LINGO2: variants seen among roughly 807,000 people sequenced by gnomAD.
LINGO2 encodes leucine rich repeat and Ig domain containing 2, also known as leucine-rich repeat and immunoglobulin-like domain-containing nogo receptor-interacting protein 2.
Under a neutral mutation model 30.6 loss-of-function variants are expected in LINGO2, and 14 were observed. The ratio of observed to expected loss-of-function variants is 0.46; its 90% CI spans 0.30 to 0.72. The LOEUF (loss-of-function observed/expected upper bound fraction) is 0.72. LINGO2 is among the 30% of genes least tolerant of loss of function. The pLI, the probability that LINGO2 is intolerant of heterozygous loss-of-function variation, is 0.07. For missense variants in LINGO2, 729 were observed against 751.7 expected (o/e 0.97, Z 0.35); for synonymous variants, 317 against 288.5 (o/e 1.10, Z -1.00).
the LINGO2 span, among the ~76,000 whole-genome samples, chr9:28,678,128 T>G: frequency 6.8e-6 from 1 of 147,434 alleles, no homozygotes; most frequent in Admixed American, 7.1e-5. Context: ...TGACTTCCTG[T>G]TGTGCTTTGA....
chr9:28,044,955 G>A (rs546534260), intron 4 of LINGO2, among the ~76,000 whole-genome samples: 14 of 152,210 alleles, frequency 9.2e-5, no homozygotes, highest in African/African-American at 3.4e-4. Flanking sequence ...TGGTTAGACA[G>A]ACGAGCAGAA....
At chr9:29,035,112 C>T in the LINGO2 span, among the ~76,000 whole-genome samples, 53 of 152,120 alleles carry the variant, frequency 3.5e-4, no homozygotes, top group African/African-American at 1.2e-3. Context: ...CTGGAATATA[C>T]ATAAGACATA....
intron 1 of LINGO2, among the ~76,000 whole-genome samples, chr9:28,497,846 TC>T (rs1260823198): frequency 6.6e-5 from 10 of 152,206 alleles, no homozygotes; most frequent in African/African-American, 2.4e-4. Flanking sequence ...GGTGTGAATG[TC>T]CTTTCTGTTT....
At chr9:28,763,485 GACAA>G in the LINGO2 span, among the ~76,000 whole-genome samples, 6 of 151,938 alleles carry the variant, frequency 3.9e-5, no homozygotes, top group Middle Eastern at 3.4e-3. Context: ...AATATCTCAA[GACAA>G]ACAAACATTC....
chr9:29,016,957 CAG>C, the LINGO2 span, among the ~76,000 whole-genome samples: 5 of 152,252 alleles, frequency 3.3e-5, no homozygotes, highest in Admixed American at 6.6e-5. Flanking sequence ...CAAAACAACT[CAG>C]AGAGATTGAC....
chr9:28,312,060 C>A (rs946981788), intron 3 of LINGO2, among the ~76,000 whole-genome samples: 1 of 152,110 alleles, frequency 6.6e-6, no homozygotes, highest in African/African-American at 2.4e-5. Flanking sequence ...CTTCCCACAA[C>A]AAGTAAGGCT....
At chr9:28,335,508 T>C (rs1825560899) in intron 3 of LINGO2, among the ~76,000 whole-genome samples, 1 of 152,186 alleles carries the variant, frequency 6.6e-6, no homozygotes, top group African/African-American at 2.4e-5. Context: ...ATAAAACAGA[T>C]ATTCCAGGAA....
chr9:28,936,913 C>T, the LINGO2 span, among the ~76,000 whole-genome samples: 1 of 152,116 alleles, frequency 6.6e-6, no homozygotes, highest in East Asian at 1.9e-4. Flanking sequence ...TCTGGTGAGG[C>T]CTCTACTGGC....
At chr9:29,055,365 T>C in the LINGO2 span, among the ~76,000 whole-genome samples, 1 of 152,208 alleles carries the variant, frequency 6.6e-6, no homozygotes, top group Non-Finnish European at 1.5e-5. Flanking sequence ...ATCATGTTAT[T>C]GCATATGGCA....
At chr9:28,012,176 A>G (rs1202304505) in intron 5 of LINGO2, among the ~76,000 whole-genome samples, 3 of 152,020 alleles carry the variant, frequency 2.0e-5, no homozygotes, top group Non-Finnish European at 4.4e-5. Context: ...TTTGCCCACC[A>G]CAGGGTAGTG....
rs372073981 is a variant in LINGO2, at chr9:28,128,347, AT to A, written c.-86-115943del. On this transcript the variant is annotated intron_variant, in intron 4 of 5. Transcript: ENST00000379992. Reference sequence around the variant, plus strand: ...GTAACTAGAAATAGCCCTAATTGTCATTATGAAAATCATCATTCCCAGATTA... The same window carrying A: ...GTAACTAGAAATAGCCCTAATTGTCATATGAAAATCATCATTCCCAGATTA... Among the ~76,000 whole-genome samples the A allele has an allele frequency of 1.1e-4, 17 of 152,320 alleles. 1 individual carries two copies. The East Asian group carries it at 2.9e-3, about 26-fold the overall frequency.
chr9:28,792,565 C>G, the LINGO2 span, among the ~76,000 whole-genome samples: 2 of 152,042 alleles, frequency 1.3e-5, no homozygotes, highest in Non-Finnish European at 2.9e-5. Context: ...TAGTCATTAT[C>G]CAAGTGGGTT....
the LINGO2 span, among the ~76,000 whole-genome samples, chr9:28,797,966 T>C: frequency 6.6e-6 from 1 of 151,880 alleles, no homozygotes; most frequent in Non-Finnish European, 1.5e-5. Context: ...AGAAGCTCAA[T>C]GAAGAGAGAT....
chr9:28,055,905 G>C (rs886528306), intron 4 of LINGO2, among the ~76,000 whole-genome samples: 3 of 152,096 alleles, frequency 2.0e-5, no homozygotes, highest in African/African-American at 7.2e-5. Flanking sequence ...TGATTACCAC[G>C]ATTACTTCTC....
intron 4 of LINGO2, among the ~76,000 whole-genome samples, chr9:28,274,163 G>C (rs1237884983): frequency 2.6e-5 from 4 of 152,096 alleles, no homozygotes; most frequent in Admixed American, 2.6e-4. Context: ...AGTAACCTAA[G>C]CACACAAAAC....
rs181861205 is a variant in LINGO2, at chr9:28,593,144, T to G, written c.-365+77056A>C. Reference sequence around the variant, plus strand: ...GAATTCAACAAATCAAGAAGTCAGTTGATTCGAAGGCTATATTGTGCAATG... The same window carrying G: ...GAATTCAACAAATCAAGAAGTCAGTGGATTCGAAGGCTATATTGTGCAATG... On this transcript the variant is annotated intron_variant, in intron 1 of 5. Coordinates refer to ENST00000379992, the Ensembl canonical transcript of LINGO2. Among the ~76,000 whole-genome samples the G allele has an allele frequency of 1.7e-3, 255 of 152,218 alleles. 1 individual carries two copies. Among genetic ancestry groups the G allele is most frequent in the Middle Eastern group, 3.4e-3 (1 of 294 alleles).
At chr9:29,182,067 G>A in the LINGO2 span, among the ~76,000 whole-genome samples, 13 of 152,230 alleles carry the variant, frequency 8.5e-5, no homozygotes, top group African/African-American at 2.6e-4. Context: ...TTGTTATACA[G>A]AATATAGAAA....
chr9:28,375,585 GA>G (rs1304174643), intron 2 of LINGO2, among the ~76,000 whole-genome samples: 1 of 152,216 alleles, frequency 6.6e-6, no homozygotes, highest in Admixed American at 6.5e-5. Flanking sequence ...GCATGCCGCA[GA>G]AGGTGCTGGT....
chr9:27,949,532 A>G (rs1257655728), exon 6 of LINGO2: 1 of 1,613,800 alleles, frequency 6.2e-7, no homozygotes, highest in East Asian at 2.2e-5. Context: ...CAGCACACAT[A>G]GGTTGCTGGC....
Sources: gnomAD v4.1 joint callset for allele counts (sites outside exome capture counted in the v4.1 genomes callset) on GRCh38, gnomAD v4.1.1 for gene constraint, MANE v1.5 for transcripts, NCBI Gene and HGNC (gene_info 2026-07-23, HGNC 2026-07-21) for gene names.